FAM120B: variants seen among roughly 807,000 people sequenced by gnomAD.
FAM120B encodes constitutive coactivator of peroxisome proliferator-activated receptor gamma.
A neutral mutation model predicts 96.3 loss-of-function variants in FAM120B; 83 were observed. The observed-to-expected ratio is 0.86, with a 90% CI of 0.72 to 1.03. The LOEUF is 1.03. FAM120B is among the 50% of genes least tolerant of loss of function. The pLI is 0.00. For missense variants in FAM120B, 1,027 were observed against 1,121.2 expected (o/e 0.92, Z 1.20); for synonymous variants, 407 against 402.7 (o/e 1.01, Z -0.13).
chr6:170,339,991 A>G (rs1203420639), intron 4 of FAM120B, among the ~76,000 whole-genome samples: 2 of 152,014 alleles, frequency 1.3e-5, no homozygotes, highest in African/African-American at 2.4e-5. Context: ...CTCAAGGAGT[A>G]TCTTATTGGT....
intron 1 of FAM120B, among the ~76,000 whole-genome samples, chr6:170,311,216 G>T (rs868865731): frequency 6.6e-6 from 1 of 152,320 alleles, no homozygotes; most frequent in South Asian, 2.1e-4. Context: ...GCACTTGCTT[G>T]AGTCCTTAGT....
In FAM120B at chr6:170,372,453, C is replaced by T. The variant is rs1217050307; in HGVS notation, c.2283+14135C>T. On this transcript the variant is annotated intron_variant, in intron 6 of 10. Transcript: ENST00000476287. ...GGGATTTAAATTCAGCCTTGCCTGGCTGTGCTCCTGTCTCATCCGGCTCTG... is the reference window on the plus strand; with the variant it reads ...GGGATTTAAATTCAGCCTTGCCTGGTTGTGCTCCTGTCTCATCCGGCTCTG... Among the ~76,000 whole-genome samples, 8 of 152,262 alleles carry T rather than the reference C, an allele frequency of 5.3e-5. No homozygotes were observed. The East Asian group carries it at 1.5e-3, about 29-fold the overall frequency.
intron 7 of FAM120B, among the ~76,000 whole-genome samples, chr6:170,388,863 T>C (rs1790335009): frequency 6.6e-6 from 1 of 152,248 alleles, no homozygotes; most frequent in Non-Finnish European, 1.5e-5. Flanking sequence ...AAGAGCCTAC[T>C]GTTGACCAGA....
intron 6 of FAM120B, among the ~76,000 whole-genome samples, chr6:170,361,224 A>ATATATATATATACGTG (rs1788405083): frequency 1.7e-5 from 2 of 115,074 alleles, no homozygotes; most frequent in African/African-American, 6.0e-5. Flanking sequence ...ATATATATAT[A>ATATATATATATACGTG]TATATATATA....
At chr6:170,349,718 T>G (rs1387716809) in intron 5 of FAM120B, among the ~76,000 whole-genome samples, 3 of 152,092 alleles carry the variant, frequency 2.0e-5, no homozygotes, top group African/African-American at 7.2e-5. Flanking sequence ...AGGAGATGAA[T>G]CCAAGAGGCT....
chr6:170,389,561 CAT>C (rs1790373515), intron 7 of FAM120B, among the ~76,000 whole-genome samples: 1 of 151,942 alleles, frequency 6.6e-6, no homozygotes, highest in African/African-American at 2.4e-5. Flanking sequence ...ATGTAATACA[CAT>C]ACTTTTTTTT....
rs905568677 is a variant in FAM120B at position 170,333,274 on chromosome 6, A to G, written c.2017+2724A>G. ...GTGATTAGATGGGATTCCTGCCCTTATAAAAGAGGCCCCTTCTTCCGTGTG... is the reference window on the plus strand; with the variant it reads ...GTGATTAGATGGGATTCCTGCCCTTGTAAAAGAGGCCCCTTCTTCCGTGTG... On this transcript the variant is annotated intron_variant, in intron 4 of 10. Transcript: ENST00000476287. 6.0e-5 allele frequency among the ~76,000 whole-genome samples: 9 copies of G among 149,936 alleles called. No individual in the cohort carries two copies. In the South Asian group the frequency reaches 1.0e-3, roughly 17 times the overall value.
chr6:170,345,028 C>T (rs1161806325), intron 4 of FAM120B, among the ~76,000 whole-genome samples: 2 of 152,160 alleles, frequency 1.3e-5, no homozygotes, highest in African/African-American at 4.8e-5. Context: ...TCAGTGTGCT[C>T]CACTGATTGT....
At chr6:170,361,201 T>C (rs1583265434) in intron 6 of FAM120B, among the ~76,000 whole-genome samples, 1 of 57,248 alleles carries the variant, frequency 1.7e-5, no homozygotes, top group African/African-American at 8.7e-5. Flanking sequence ...TATACGTGTA[T>C]ATATATATAT....
intron 2 of FAM120B, among the ~76,000 whole-genome samples, chr6:170,320,179 C>A (rs1785195215): frequency 6.6e-6 from 1 of 152,132 alleles, no homozygotes; most frequent in Admixed American, 6.5e-5. Context: ...CTATGAGCAC[C>A]ACCATCTTTC....
chr6:170,390,716 C>T (rs1324936886), intron 7 of FAM120B, among the ~76,000 whole-genome samples: 5 of 152,090 alleles, frequency 3.3e-5, no homozygotes, highest in African/African-American at 7.2e-5. Context: ...CCTAAATTGT[C>T]GTAATAGGAC....
rs923822576 is a variant in FAM120B at position 170,406,591 on chromosome 6, A to T, written c.*1840A>T. 2.0e-5 allele frequency: 3 copies of T among 152,306 alleles called. No individual in the cohort carries two copies. The highest frequency in any genetic ancestry group is 3.4e-3 in the Middle Eastern group (1 of 294). 9.4% of individuals were successfully genotyped at this position (152,306 alleles called of 1,614,324 possible). A position where few individuals can be genotyped will look rare whatever the true frequency, so the allele number is the denominator to read the frequency against. ...CTCCCTTCGGTTTCTTCTTAAGAAC[A>T]TTTACATCTAATTATTTTTCGTGCA... On this transcript the variant is annotated 3_prime_UTR_variant, in exon 11 of 11. Transcript: ENST00000476287.
chr6:170,392,857 G>C (rs1024004711), intron 8 of FAM120B, among the ~76,000 whole-genome samples: 2 of 152,208 alleles, frequency 1.3e-5, no homozygotes, highest in African/African-American at 4.8e-5. Flanking sequence ...AGGGAAGGCT[G>C]CTTTTTCTAC....
chr6:170,384,492 C>T (rs1056426494), intron 6 of FAM120B, among the ~76,000 whole-genome samples: 5 of 152,148 alleles, frequency 3.3e-5, no homozygotes, highest in African/African-American at 1.2e-4. Context: ...CCCAAAGAAA[C>T]CAGTGCGCCT....
chr6:170,333,452 A>G (rs1278680358), intron 4 of FAM120B, among the ~76,000 whole-genome samples: 1 of 151,696 alleles, frequency 6.6e-6, no homozygotes, highest in Non-Finnish European at 1.5e-5. Context: ...TCTCAGATGG[A>G]CCAAGACACT....
intron 6 of FAM120B, among the ~76,000 whole-genome samples, chr6:170,383,775 TCA>T (rs1273561225): frequency 6.6e-6 from 1 of 152,230 alleles, no homozygotes; most frequent in Non-Finnish European, 1.5e-5. Context: ...GAACTAGCAA[TCA>T]CATGCCTGGG....
chr6:170,329,928 A>T (rs1433765168), intron 3 of FAM120B, among the ~76,000 whole-genome samples: 2 of 152,070 alleles, frequency 1.3e-5, no homozygotes, highest in Admixed American at 1.3e-4. Flanking sequence ...CTGACTGATG[A>T]TCACCTTTGT....
At chr6:170,381,003 T>C (rs1375593858) in intron 6 of FAM120B, among the ~76,000 whole-genome samples, 1 of 152,080 alleles carries the variant, frequency 6.6e-6, no homozygotes, top group African/African-American at 2.4e-5. Context: ...TGAAGACAAA[T>C]AGAAAAGCTA....
Position 170,309,952 on chromosome 6 carries a change from G to T in FAM120B, c.-22+3110G>T, listed in dbSNP as rs570303908. On this transcript the variant is annotated intron_variant, in intron 1 of 10. Coordinates refer to ENST00000476287, the MANE Select transcript of FAM120B (RefSeq NM_032448.3). ...GTTATGTTGTGATGTGAATAGTAATGTTAGGCTTATTGAGGCATATACAGC... is the reference window on the plus strand; with the variant it reads ...GTTATGTTGTGATGTGAATAGTAATTTTAGGCTTATTGAGGCATATACAGC... Among the ~76,000 whole-genome samples, 3 of 152,330 alleles carry T rather than the reference G, an allele frequency of 2.0e-5. No homozygotes were observed. The South Asian group carries it at 6.2e-4, about 32-fold the overall frequency.
Sources: allele counts gnomAD v4.1 joint callset (sites outside exome capture counted in the v4.1 genomes callset), GRCh38; gene constraint gnomAD v4.1.1; transcripts MANE v1.5; gene names NCBI Gene and HGNC (gene_info 2026-07-23, HGNC 2026-07-21).